The following NPAS2 variants were observed in gnomAD, a reference collection of about 807,000 sequenced individuals.
NPAS2 encodes the protein neuronal PAS domain protein 2.
A neutral mutation model predicts 107.5 loss-of-function variants in NPAS2; 23 were observed. The observed-to-expected ratio is 0.21, with a 90% CI of 0.15 to 0.30. The LOEUF is 0.30. Among genes scored for constraint, NPAS2 ranks in the 10% least tolerant of loss-of-function variants. NPAS2 has a pLI of 1.00. For missense variants in NPAS2, 756 were observed against 1,043.3 expected, an observed-to-expected ratio of 0.72 and a Z score of 3.79; for synonymous variants, 403 against 417.5, an observed-to-expected ratio of 0.97 and a Z score of 0.42.
At chr2:100,868,630 G>A (rs1430293545) in intron 1 of NPAS2, among the ~76,000 whole-genome samples, 1 of 152,132 alleles carries the variant, frequency 6.6e-6, no homozygotes, top group Non-Finnish European at 1.5e-5. Context: ...TTAGGTCACT[G>A]TCTGTTGATT....
chr2:100,961,020 T>A (rs558085852), intron 7 of NPAS2, among the ~76,000 whole-genome samples: 1 of 152,276 alleles, frequency 6.6e-6, no homozygotes, highest in East Asian at 1.9e-4. Flanking sequence ...AAGAATGAGT[T>A]GCTTTTCTCT....
rs1676014298 is a variant in NPAS2 at position 100,820,561 on chromosome 2, C to G, written c.-23+147C>G. The G allele has an allele frequency of 6.6e-6, 1 of 152,414 alleles. No individual in the cohort carries two copies. Among genetic ancestry groups the G allele is most frequent in the Non-Finnish European group, 1.5e-5 (1 of 68,332 alleles). 9.4% of individuals were successfully genotyped at this position (152,414 alleles called of 1,614,324 possible). A position where few individuals can be genotyped will look rare whatever the true frequency, so the allele number is the denominator to read the frequency against. ...GCGCGAGGCTGCGCGGCACCGGGGA[C>G]CCCGGACGCGGGGGCGCGGAGAGGT... On this transcript the variant is annotated intron_variant, in intron 1 of 20. Coordinates refer to ENST00000335681, the MANE Select transcript of NPAS2 (RefSeq NM_002518.4). This position sits in a 1 kb window ranked among gnomAD's most constrained non-coding sequence, Gnocchi z 5.6.
intron 5 of NPAS2, among the ~76,000 whole-genome samples, chr2:100,938,573 C>T (rs1002112471): frequency 6.9e-6 from 1 of 145,434 alleles, no homozygotes; most frequent in Non-Finnish European, 1.5e-5. Flanking sequence ...CTCCCTCCCC[C>T]CTTTCCTCCC....
At chr2:100,935,182 A>T in intron 4 of NPAS2, 2 of 803,628 alleles carry the variant, frequency 2.5e-6, no homozygotes, top group Non-Finnish European at 3.0e-6. Flanking sequence ...GAGCAGTTGC[A>T]CTCAAAAGGA....
At chr2:100,992,751 A>G (rs531618167) in intron 19 of NPAS2, among the ~76,000 whole-genome samples, 4 of 152,246 alleles carry the variant, frequency 2.6e-5, no homozygotes, top group South Asian at 4.1e-4. Flanking sequence ...GTCAGCCCCA[A>G]TGCCCATTTT....
intron 19 of NPAS2, among the ~76,000 whole-genome samples, chr2:100,991,396 C>T (rs957138486): frequency 3.3e-5 from 5 of 152,340 alleles, no homozygotes; most frequent in East Asian, 1.9e-4. Context: ...ACTGGAGACA[C>T]GGGGAATAGT....
At chr2:100,873,284 A>C (rs1222256292) in intron 1 of NPAS2, among the ~76,000 whole-genome samples, 1 of 32,506 alleles carries the variant, frequency 3.1e-5, no homozygotes, top group Non-Finnish European at 6.6e-5. Flanking sequence ...ACATATATAT[A>C]TATATATATA....
At chr2:100,984,964 G>A (rs1489109887) in intron 16 of NPAS2, 1 of 152,200 alleles carries the variant, frequency 6.6e-6, no homozygotes, top group Admixed American at 6.5e-5. Flanking sequence ...GGGCTACCTG[G>A]ACAAGAGCTG....
chr2:100,979,684 C>A (rs114690198), intron 15 of NPAS2, among the ~76,000 whole-genome samples: 2,763 of 151,746 alleles, frequency 0.018, 35 homozygotes, highest in Non-Finnish European at 0.029. Flanking sequence ...GAATGCACCA[C>A]TACACCCAGC....
At chr2:100,819,981 C>G (rs1006625815), upstream of NPAS2, among the ~76,000 whole-genome samples, 1 of 150,214 alleles carries the variant, frequency 6.7e-6, no homozygotes, top group Admixed American at 6.6e-5. This position sits in a 1 kb window ranked among gnomAD's most constrained non-coding sequence, Gnocchi z 5.8. Context: ...GGGTGCTTGT[C>G]CCAGGCTGGG....
intron 1 of NPAS2, among the ~76,000 whole-genome samples, chr2:100,882,504 C>T (rs369226398): frequency 2.2e-4 from 34 of 151,970 alleles, no homozygotes; most frequent in Non-Finnish European, 3.8e-4. Flanking sequence ...CCCAGCTACT[C>T]GGGAGGCTGA....
chr2:100,920,034 C>A (rs188787448), intron 2 of NPAS2, among the ~76,000 whole-genome samples: 1 of 152,138 alleles, frequency 6.6e-6, no homozygotes, highest in African/African-American at 2.4e-5. Flanking sequence ...CTTGATGGAG[C>A]GCCTTGTGCA....
In NPAS2 at chr2:100,873,303, TATATAC is replaced by T. The variant is rs1251227262; in HGVS notation, c.-22-31428_-22-31423del. ...ATATATATATATATATATATATATA[TATATAC>T]ACACACACACACACACACACACACA... On this transcript the variant is annotated intron_variant, in intron 1 of 20. Coordinates refer to ENST00000335681, the MANE Select transcript of NPAS2 (RefSeq NM_002518.4). 6.9e-3 allele frequency among the ~76,000 whole-genome samples: 315 copies of T among 45,958 alleles called. 1 individual carries two copies. The highest frequency in any genetic ancestry group is 0.029 in the Middle Eastern group (2 of 68). 30.2% of individuals were successfully genotyped at this position (45,958 alleles called of 152,430 possible).
intron 20 of NPAS2, 47 bp from the exon 21 acceptor site, chr2:100,995,353 G>A (rs779438367): frequency 1.4e-5 from 21 of 1,534,720 alleles, no homozygotes; most frequent in East Asian, 1.4e-4. Flanking sequence ...CAGTTGAGGA[G>A]CGGACATCAG....
intron 2 of NPAS2, among the ~76,000 whole-genome samples, chr2:100,918,534 A>G (rs1683026939): frequency 6.6e-6 from 1 of 152,248 alleles, no homozygotes; most frequent in South Asian, 2.1e-4. Flanking sequence ...AAATACAAGC[A>G]ACTGTCAAAA....
At chr2:100,930,227 T>C (rs1255514171) in intron 3 of NPAS2, among the ~76,000 whole-genome samples, 1 of 152,170 alleles carries the variant, frequency 6.6e-6, no homozygotes, top group Non-Finnish European at 1.5e-5. Flanking sequence ...CACACTTCTT[T>C]AATGTGTCTG....
rs545448131 is a variant in NPAS2, at chr2:100,906,030, C to A, written c.32+1244C>A. ...CAGAGGAAATGGCCAGAAGTGTAGA[C>A]AGAACAGCCTTCATCCCAGGATCTG... is the stretch of plus-strand genomic sequence containing the variant. On this transcript the variant is annotated intron_variant, in intron 2 of 20. Coordinates refer to ENST00000335681, the MANE Select transcript of NPAS2 (RefSeq NM_002518.4). Among the ~76,000 whole-genome samples, 6 of 152,300 alleles carry A rather than the reference C, an allele frequency of 3.9e-5. No individual in the cohort carries two copies. In the South Asian group the frequency reaches 1.2e-3, roughly 32 times the overall value.
intron 13 of NPAS2, 61 bp from the exon 14 acceptor site, chr2:100,975,397 C>G: frequency 6.9e-7 from 1 of 1,452,902 alleles, no homozygotes; most frequent in Non-Finnish European, 9.5e-7. Context: ...TGGGTCCCCT[C>G]TTCGGATGAG....
At chr2:100,910,886 C>A (rs1354958967) in intron 2 of NPAS2, among the ~76,000 whole-genome samples, 2 of 152,172 alleles carry the variant, frequency 1.3e-5, no homozygotes, top group African/African-American at 2.4e-5. Flanking sequence ...TGCCCCCAAA[C>A]CGCATGGCCT....
Sources: gnomAD v4.1 joint callset for allele counts (sites outside exome capture counted in the v4.1 genomes callset) on GRCh38, gnomAD v4.1.1 for gene constraint, Gnocchi (gnomAD v3.1) non-coding constraint, MANE v1.5 for transcripts, NCBI Gene and HGNC (gene_info 2026-07-23, HGNC 2026-07-21) for gene names.